The following POLR1C variants were observed in gnomAD, a reference collection of about 807,000 sequenced individuals.
POLR1C encodes the protein RNA polymerase I and III subunit C.
A neutral mutation model predicts 38.3 loss-of-function variants in POLR1C; 42 were observed. The ratio of observed to expected loss-of-function variants is 1.10; its 90% CI spans 0.86 to 1.42. The LOEUF is 1.42. Among genes scored for constraint, POLR1C ranks in the 40% most tolerant of loss-of-function variants. The pLI is 0.00. For missense variants in POLR1C, 507 were observed against 450.5 expected (o/e 1.13, Z -1.14); for synonymous variants, 163 against 163.9 (o/e 0.99, Z 0.04).
At chr6:43,535,556 T>G (rs2127713179) in intron 9 of POLR1C, among the ~76,000 whole-genome samples, 1 of 152,124 alleles carries the variant, frequency 6.6e-6, no homozygotes, top group South Asian at 2.1e-4. Flanking sequence ...TGTTCTTGCT[T>G]AAGAAGTCAT....
chr6:43,527,807 ACTCT>A, intron 8 of POLR1C: 1 of 1,478,622 alleles, frequency 6.8e-7, no homozygotes, highest in South Asian at 1.2e-5. Flanking sequence ...CCCTAATCAG[ACTCT>A]CTCTGACCAC....
intron 9 of POLR1C, among the ~76,000 whole-genome samples, chr6:43,542,051 AG>A (rs1385156430): frequency 1.3e-5 from 2 of 152,098 alleles, no homozygotes; most frequent in African/African-American, 2.4e-5. Flanking sequence ...CCAAAGTGCT[AG>A]GATTACATGC....
At chr6:43,522,637 CTCAA>C, downstream of POLR1C, 1 of 420,496 alleles carries the variant, frequency 2.4e-6, no homozygotes. Flanking sequence ...TTTGCTTCTT[CTCAA>C]TCTGACCCTG....
In POLR1C at chr6:43,560,148, A is replaced by G. The variant is rs766201248; in HGVS notation, c.*49-1252A>G. ...AGTCTTATTATGTGTATTCACCTAC[A>G]TTCCACATGTTTAGATTCCCATTAT... On this transcript the variant is annotated intron_variant, in intron 10 of 10. Transcript: ENST00000607635. 1.3e-4 allele frequency: 206 copies of G among 1,607,264 alleles called. 3 individuals carry two copies. The Admixed American group carries it at 3.4e-3, about 26-fold the overall frequency.
intron 10 of POLR1C, chr6:43,555,798 T>C: frequency 6.2e-7 from 1 of 1,612,896 alleles, no homozygotes; most frequent in African/African-American, 1.3e-5. Flanking sequence ...GATACTGTCC[T>C]AACATTTCAC....
At chr6:43,527,907 T>C (rs1282718418) in intron 8 of POLR1C, among the ~76,000 whole-genome samples, 3 of 152,242 alleles carry the variant, frequency 2.0e-5, no homozygotes, top group African/African-American at 7.2e-5. Context: ...CTAGTGACTC[T>C]GTCCAGTTGG....
downstream of POLR1C, chr6:43,531,338 A>G (rs2127707966): frequency 2.7e-6 from 2 of 742,134 alleles, no homozygotes; most frequent in East Asian, 2.7e-5. Flanking sequence ...TTTCATTTCT[A>G]TTTAACACTA....
chr6:43,519,143 C>T (rs889156670), intron 2 of POLR1C, 190 bp from the exon 3 acceptor site: 5 of 633,814 alleles, frequency 7.9e-6, no homozygotes, highest in Non-Finnish European at 1.4e-5. Flanking sequence ...AATGAATGGA[C>T]GACAAAAATG....
At chr6:43,532,773 TACC>T (rs373831667), downstream of POLR1C, among the ~76,000 whole-genome samples, 37 of 152,296 alleles carry the variant, frequency 2.4e-4, no homozygotes, top group South Asian at 6.8e-3. Flanking sequence ...TCACAGCAAA[TACC>T]ACAATTATGA....
In POLR1C at chr6:43,517,174, G is replaced by T; in HGVS notation, c.65G>T (p.Arg22Leu). The T allele has an allele frequency of 6.2e-7, 1 of 1,614,070 alleles. No homozygotes were observed. Among genetic ancestry groups the T allele is most frequent in the African/African-American group, 1.3e-5 (1 of 75,036 alleles). The change falls in exon 1 of 9, where the codon CGC (arginine) becomes CTC (leucine). Residue 22 changes from arginine to leucine, a missense_variant. By Grantham distance (102) the Arg-to-Leu change is moderately radical. Transcript: ENST00000642195. The stretch of plus-strand genomic sequence containing the variant: ...GTGGTTCTGGGGGAGTTTGGGGTTC[G>T]CAATGTAAGCCTTGTGGCCTTGAGC... ...SRVVLGEFGV[R>L]NVHTTDFPGN...
In POLR1C at chr6:43,539,354, C is replaced by T. The variant is rs113479960; in HGVS notation, c.*4+9995C>T. ...CTTGAACCTGGTGCGCTGGCCAGCA[C>T]GGGTCTGCTTCTGCACTGGCATAAT... On this transcript the variant is annotated intron_variant, in intron 9 of 10. Coordinates refer to the POLR1C transcript ENST00000607635. 5.4e-3 allele frequency: 8,565 copies of T among 1,580,564 alleles called. 289 individuals carry two copies. In the African/African-American group the frequency reaches 0.087, roughly 16 times the overall value.
chr6:43,533,803 C>G, downstream of POLR1C: 1 of 800,274 alleles, frequency 1.2e-6, no homozygotes. Flanking sequence ...CCAGTGCACT[C>G]TAGCCTGGGT....
intron 9 of POLR1C, among the ~76,000 whole-genome samples, chr6:43,534,980 G>A (rs1365901086): frequency 6.6e-6 from 1 of 151,954 alleles, no homozygotes; most frequent in African/African-American, 2.4e-5. Flanking sequence ...GGGCAACAGA[G>A]TGAGACTCCA....
In POLR1C at chr6:43,553,522, CACAT is replaced by C. The variant is rs759094901; in HGVS notation, c.*48+2515_*48+2518del. The C allele has an allele frequency of 1.1e-5, 17 of 1,541,174 alleles. No homozygotes were observed. In the South Asian group the frequency reaches 1.2e-4, roughly 11 times the overall value. ...GAACAAGCTTTAAAACACACACACA[CACAT>C]ACACACACACACACACACACACAAT... On this transcript the variant is annotated intron_variant, in intron 10 of 10. Coordinates refer to the POLR1C transcript ENST00000607635.
rs754551101 is a variant in POLR1C at position 43,547,717 on chromosome 6, G to A, written c.*5-3251G>A. ...AACATCTGACAGCACTCTGAAGGTTGGAGGGGGAAAAACAAGTTACATCAT... is the reference window on the plus strand; with the variant it reads ...AACATCTGACAGCACTCTGAAGGTTAGAGGGGGAAAAACAAGTTACATCAT... On this transcript the variant is annotated intron_variant, in intron 9 of 10. Coordinates refer to the POLR1C transcript ENST00000607635. The A allele has an allele frequency of 1.9e-6, 3 of 1,612,726 alleles. No homozygotes were observed. In the South Asian group the frequency reaches 3.3e-5, roughly 18 times the overall value.
rs779858907 is a variant in POLR1C at position 43,520,954 on chromosome 6, C to A, written c.828C>A (p.Ala276=). Residue 276 remains alanine, a synonymous_variant, in exon 8 of 9, where the codon GCC becomes GCA. Transcript: ENST00000642195. ...TAGGTAAAAAGGTGGCCAGAGTTGC[C>A]AACCCCCGGCTGGATACCTTCAGCA... ...EVQGKKVARV[A]NPRLDTFSRE... 1 of 1,614,146 alleles carries A rather than the reference C, an allele frequency of 6.2e-7. No individual in the cohort carries two copies. Among genetic ancestry groups the A allele is most frequent in the Non-Finnish European group, 8.5e-7 (1 of 1,180,004 alleles).
At chr6:43,557,783 T>A (rs1385444769) in intron 10 of POLR1C, among the ~76,000 whole-genome samples, 6 of 87,236 alleles carry the variant, frequency 6.9e-5, no homozygotes, top group East Asian at 3.5e-4. Flanking sequence ...AATAAAGCTG[T>A]AAAAAAAAAA....
intron 10 of POLR1C, chr6:43,558,643 G>C (rs990794397): frequency 1.4e-6 from 2 of 1,397,174 alleles, no homozygotes; most frequent in East Asian, 5.0e-5. Flanking sequence ...CCCACTGAAA[G>C]AGTTTTTAAG....
intron 9 of POLR1C, chr6:43,547,818 A>G (rs1795034732): frequency 1.3e-6 from 1 of 798,280 alleles, no homozygotes; most frequent in Non-Finnish European, 2.1e-6. Flanking sequence ...CAGTTTTTAT[A>G]GTGAGAGGAG....
Sources: gnomAD v4.1 joint callset for allele counts (sites outside exome capture counted in the v4.1 genomes callset) on GRCh38, gnomAD v4.1.1 for gene constraint, MANE v1.5 for transcripts, NCBI Gene and HGNC (gene_info 2026-07-23, HGNC 2026-07-21) for gene names.